Variants in KIAA0319L observed in about 807,000 individuals in gnomAD.
KIAA0319L encodes the protein KIAA0319 like.
Under a neutral mutation model 120.1 loss-of-function variants are expected in KIAA0319L, and 55 were observed. The ratio of observed to expected loss-of-function variants is 0.46; its 90% CI spans 0.37 to 0.57. The LOEUF is 0.57. Ranked by LOEUF, KIAA0319L falls within the 20% of genes least tolerant of loss-of-function variation. The pLI is 0.00. For synonymous variants in KIAA0319L, 398 were observed against 471.9 expected, an observed-to-expected ratio of 0.84 and a Z score of 2.03; for missense variants, 1,049 against 1,255.3, an observed-to-expected ratio of 0.84 and a Z score of 2.48.
intron 9 of KIAA0319L, 139 bp from the exon 10 acceptor site, chr1:35,456,380 G>A: frequency 1.7e-6 from 1 of 581,864 alleles, no homozygotes; most frequent in East Asian, 2.9e-5. Flanking sequence ...TGGAGAAGCA[G>A]AAAGTACTAC....
At chr1:35,492,751 T>C (rs910587521) in intron 3 of KIAA0319L, among the ~76,000 whole-genome samples, 12 of 152,168 alleles carry the variant, frequency 7.9e-5, no homozygotes, top group Admixed American at 2.6e-4. Context: ...CTACAGCTGA[T>C]GAAAGGTATC....
chr1:35,478,974 G>T lies in KIAA0319L; in HGVS notation c.905C>A (p.Pro302Gln), dbSNP rs376096202. Residue 302 changes from proline (P) to glutamine (Q), a missense_variant, in exon 4 of 21, where the codon CCA becomes CAA. By Grantham distance (76) the Pro-to-Gln change is moderately conservative. Coordinates refer to ENST00000325722, the MANE Select transcript of KIAA0319L (RefSeq NM_024874.5). ...AGAGCAAAGGTCCTTACCTGGGTAT[G>T]GTGCTGAGGTGCTCTGGAAAGAGGC... Reference protein sequence around the residue: ...PQASFQSTSAPYPVIKELVVS... With the variant: ...PQASFQSTSAQYPVIKELVVS... 77 of 1,614,028 alleles carry T rather than the reference G, an allele frequency of 4.8e-5. No individual in the cohort carries two copies. In the African/African-American group the frequency reaches 8.9e-4, roughly 19 times the overall value.
At chr1:35,522,365 C>T (rs557383391) in intron 2 of KIAA0319L, among the ~76,000 whole-genome samples, 24 of 151,584 alleles carry the variant, frequency 1.6e-4, no homozygotes, top group Non-Finnish European at 2.9e-4. Flanking sequence ...CTGCAACCTC[C>T]GCCTCCCAGG....
At chr1:35,531,882 G>C (rs1421847115) in intron 2 of KIAA0319L, among the ~76,000 whole-genome samples, 1 of 152,156 alleles carries the variant, frequency 6.6e-6, no homozygotes, top group Non-Finnish European at 1.5e-5. Context: ...GAAAAAGCTA[G>C]CTTCTATAAA....
rs529615144 is a variant in KIAA0319L at position 35,504,422 on chromosome 1, T to C, written c.666+2190A>G. On this transcript the variant is annotated intron_variant, in intron 3 of 20. Transcript: ENST00000325722. ...CGTGTTATCCAGAATGGTCTCGATCTCCTGACCTTGTGATCCGCCCGCCTT... is the reference window on the plus strand; with the variant it reads ...CGTGTTATCCAGAATGGTCTCGATCCCCTGACCTTGTGATCCGCCCGCCTT... Among the ~76,000 whole-genome samples the C allele has an allele frequency of 2.6e-5, 4 of 152,276 alleles. No homozygotes were observed. The South Asian group carries it at 8.3e-4, about 32-fold the overall frequency.
rs1023143587 is a variant in KIAA0319L, at chr1:35,510,908, G to GA, written c.143-3774dup. 2.6e-3 allele frequency: 373 copies of GA among 144,902 alleles called. 1 individual carries two copies. The highest frequency in any genetic ancestry group is 7.4e-3 in the African/African-American group (293 of 39,538). The allele number at this position is 144,902 out of a possible 1,614,324, so 9.0% of individuals were successfully genotyped here. On this transcript the variant is annotated intron_variant, in intron 2 of 20. Transcript: ENST00000325722. ...CAGGTGTGAGCCACTGCGCCTGGCT[G>GA]AAAAAAAAAAGCCTTTTAAATGTAA...
intron 2 of KIAA0319L, among the ~76,000 whole-genome samples, chr1:35,551,244 T>C (rs1215001431): frequency 6.6e-6 from 1 of 152,240 alleles, no homozygotes; most frequent in Non-Finnish European, 1.5e-5. Context: ...TTTTGATTGG[T>C]AATGAGAACG....
At chr1:35,451,005 C>G (rs568050268) in intron 13 of KIAA0319L, among the ~76,000 whole-genome samples, 137 of 152,332 alleles carry the variant, frequency 9.0e-4, no homozygotes, top group Non-Finnish European at 1.5e-3. Context: ...ACGTGAAGCT[C>G]TGTATATTCA....
chr1:35,448,954 T>C (rs943813716), intron 15 of KIAA0319L, among the ~76,000 whole-genome samples: 1 of 152,238 alleles, frequency 6.6e-6, no homozygotes, highest in Admixed American at 6.5e-5. Flanking sequence ...CTTTTGAATA[T>C]GTCCTAAAGA....
intron 13 of KIAA0319L, 87 bp from the exon 14 acceptor site, chr1:35,450,596 T>C: frequency 5.3e-6 from 7 of 1,311,956 alleles, no homozygotes; most frequent in Non-Finnish European, 7.5e-6. Flanking sequence ...AATTAAAACA[T>C]CAAGAGTACC....
intron 2 of KIAA0319L, among the ~76,000 whole-genome samples, chr1:35,526,409 ATACACACATACATATATATATG>A (rs1646145310): frequency 7.0e-6 from 1 of 143,870 alleles, no homozygotes; most frequent in African/African-American, 2.6e-5. Flanking sequence ...ATATATATAT[ATACACACATACATATATATATG>A]TATATATATA....
intron 2 of KIAA0319L, among the ~76,000 whole-genome samples, chr1:35,537,048 GT>G (rs2148482746): frequency 6.6e-6 from 1 of 152,236 alleles, no homozygotes; most frequent in African/African-American, 2.4e-5. Context: ...ACCTCTCTAT[GT>G]AATACTGTCT....
intron 3 of KIAA0319L, among the ~76,000 whole-genome samples, chr1:35,488,107 A>T (rs188348673): frequency 1.3e-5 from 2 of 152,276 alleles, no homozygotes; most frequent in East Asian, 3.9e-4. Context: ...CCTCAGGAAA[A>T]AATTTTTTTA....
At chr1:35,439,046 C>T (rs942263709) in intron 20 of KIAA0319L, 1 of 152,216 alleles carries the variant, frequency 6.6e-6, no homozygotes, top group African/African-American at 2.4e-5. Flanking sequence ...TCCCACCATT[C>T]ATCCCCTTAA....
At chr1:35,493,237 T>C (rs916808128) in intron 3 of KIAA0319L, among the ~76,000 whole-genome samples, 5 of 152,154 alleles carry the variant, frequency 3.3e-5, no homozygotes, top group Non-Finnish European at 5.9e-5. Context: ...TGTATTCCTA[T>C]ATACCAGCAA....
chr1:35,478,968 G>C lies in KIAA0319L; in HGVS notation c.911C>G (p.Pro304Arg). ...ASFQSTSAPY[P>R]VIKELVVSAG... ...TCTCCAAGAGCAAAGGTCCTTACCT[G>C]GGTATGGTGCTGAGGTGCTCTGGAA... is the stretch of plus-strand genomic sequence containing the variant. The change falls in exon 4 of 21, where the codon CCA (proline) becomes CGA (arginine). Residue 304 changes from proline (P) to arginine (R), a missense_variant and splice_region_variant. Physicochemically the swap from Pro to Arg is moderately radical, Grantham distance 103. Coordinates refer to ENST00000325722, the MANE Select transcript of KIAA0319L (RefSeq NM_024874.5). The C allele has an allele frequency of 6.2e-7, 1 of 1,613,940 alleles. No individual in the cohort carries two copies. Among genetic ancestry groups the C allele is most frequent in the Non-Finnish European group, 8.5e-7 (1 of 1,179,886 alleles).
chr1:35,436,086 A>G (rs891664690), intron 20 of KIAA0319L, among the ~76,000 whole-genome samples: 2 of 152,002 alleles, frequency 1.3e-5, no homozygotes, highest in Non-Finnish European at 2.9e-5. Flanking sequence ...CCACAATCTC[A>G]TCATCCAATA....
At chr1:35,504,532 T>C (rs1645139248) in intron 3 of KIAA0319L, among the ~76,000 whole-genome samples, 1 of 152,198 alleles carries the variant, frequency 6.6e-6, no homozygotes, top group South Asian at 2.1e-4. Flanking sequence ...AAGAATACAG[T>C]ATATAATGCA....
At chr1:35,446,037 C>T (rs1558280163) in intron 16 of KIAA0319L, among the ~76,000 whole-genome samples, 1 of 152,190 alleles carries the variant, frequency 6.6e-6, no homozygotes. Context: ...TATCCCTAAT[C>T]GTGCTATCTC....
Sources: allele counts gnomAD v4.1 joint callset (sites outside exome capture counted in the v4.1 genomes callset), GRCh38; gene constraint gnomAD v4.1.1; transcripts MANE v1.5; gene names NCBI Gene and HGNC (gene_info 2026-07-23, HGNC 2026-07-21).